The following DNAJC24 variants were observed in gnomAD, a reference collection of about 807,000 sequenced individuals.
The protein encoded by DNAJC24 is DnaJ heat shock protein family (Hsp40) member C24.
Under a neutral mutation model 18.0 loss-of-function variants are expected in DNAJC24, and 17 were observed. That is an observed-to-expected ratio of 0.94 (90% CI 0.65 to 1.42). The LOEUF is 1.42. Among genes scored for constraint, DNAJC24 ranks in the 40% most tolerant of loss-of-function variants. DNAJC24 has a pLI of 0.00. For missense variants in DNAJC24, 158 were observed against 175.6 expected (o/e 0.90, Z 0.57); for synonymous variants, 55 against 57.7 (o/e 0.95, Z 0.21).
At chr11:31,387,622 G>A (rs1189696242) in intron 2 of DNAJC24, among the ~76,000 whole-genome samples, 1 of 152,084 alleles carries the variant, frequency 6.6e-6, no homozygotes, top group Non-Finnish European at 1.5e-5. Context: ...CTGAATACTT[G>A]GAATGCCTTC....
intron 2 of DNAJC24, among the ~76,000 whole-genome samples, chr11:31,380,525 T>C (rs1952366236): frequency 6.6e-6 from 1 of 152,218 alleles, no homozygotes; most frequent in South Asian, 2.1e-4. Context: ...GGGATTAATA[T>C]CCCACTTTTG....
chr11:31,422,859 G>C (rs1354836017), intron 3 of DNAJC24, among the ~76,000 whole-genome samples: 1 of 152,092 alleles, frequency 6.6e-6, no homozygotes, highest in Non-Finnish European at 1.5e-5. Flanking sequence ...TTTGAGGAGA[G>C]GGAATTTGCT....
intron 2 of DNAJC24, among the ~76,000 whole-genome samples, chr11:31,406,502 G>GT (rs1301918403): frequency 2.0e-5 from 3 of 152,320 alleles, no homozygotes; most frequent in African/African-American, 7.2e-5. Context: ...AAAATACGGT[G>GT]TTTATATATT....
chr11:31,388,688 C>T (rs749451801), intron 2 of DNAJC24, among the ~76,000 whole-genome samples: 4 of 152,052 alleles, frequency 2.6e-5, no homozygotes, highest in South Asian at 4.1e-4. Flanking sequence ...CAAAATTCAC[C>T]GTTAACGATA....
chr11:31,391,750 T>G (rs2133478679), intron 2 of DNAJC24, among the ~76,000 whole-genome samples: 1 of 152,300 alleles, frequency 6.6e-6, no homozygotes, highest in South Asian at 2.1e-4. Context: ...ATCCCACTGC[T>G]AGATATACTC....
Position 31,432,689 on chromosome 11 carries a change from A to C in DNAJC24, c.*2288A>C, listed in dbSNP as rs533363287. 1.8e-4 allele frequency: 118 copies of C among 663,566 alleles called. 2 individuals are homozygous for C. The African/African-American group carries it at 1.9e-3, about 11-fold the overall frequency. The allele number at this position is 663,566 out of a possible 1,614,324, so 41.1% of individuals were successfully genotyped here. A position where few individuals can be genotyped will look rare whatever the true frequency, so the allele number is the denominator to read the frequency against. ...GATAAACACTTTCTCCTTACTCATC[A>C]ATCAAGAATAAAATTTTCTACATCA... On this transcript the variant is annotated 3_prime_UTR_variant, in exon 5 of 5. Transcript: ENST00000465995.
intron 3 of DNAJC24, among the ~76,000 whole-genome samples, chr11:31,423,583 TC>T (rs1387028111): frequency 1.3e-5 from 2 of 152,186 alleles, no homozygotes; most frequent in East Asian, 3.9e-4. Context: ...TATGACTTCT[TC>T]CAGTTACCAC....
intron 3 of DNAJC24, among the ~76,000 whole-genome samples, chr11:31,418,262 A>T (rs2133500220): frequency 6.6e-6 from 1 of 152,254 alleles, no homozygotes; most frequent in East Asian, 1.9e-4. Context: ...AGATTGACCT[A>T]CTGTTTAGGT....
chr11:31,432,780 A>G lies in DNAJC24; in HGVS notation c.*2379A>G, dbSNP rs750903334. ...TAAACTCCAAAGTTTGGGACATTCA[A>G]ACAATGTACATGAAATTATATGTGT... On this transcript the variant is annotated 3_prime_UTR_variant, in exon 5 of 5. Transcript: ENST00000465995. 7.9e-5 allele frequency among the ~76,000 whole-genome samples: 12 copies of G among 152,208 alleles called. No homozygotes were observed. Among genetic ancestry groups the G allele is most frequent in the African/African-American group, 1.2e-4 (5 of 41,456 alleles).
At chr11:31,378,449 C>T (rs1455063169) in intron 2 of DNAJC24, among the ~76,000 whole-genome samples, 3 of 152,104 alleles carry the variant, frequency 2.0e-5, no homozygotes, top group African/African-American at 2.4e-5. Flanking sequence ...TGTAGCACTG[C>T]GTATCAGATA....
chr11:31,419,619 A>G (rs535186073), intron 3 of DNAJC24, among the ~76,000 whole-genome samples: 6 of 152,176 alleles, frequency 3.9e-5, no homozygotes, highest in African/African-American at 1.4e-4. Context: ...TTCTGATTTA[A>G]TAGTGGAGCA....
intron 2 of DNAJC24, among the ~76,000 whole-genome samples, chr11:31,399,394 CA>C (rs571089362): frequency 1.3e-5 from 2 of 151,272 alleles, no homozygotes; most frequent in East Asian, 3.9e-4. Flanking sequence ...TCTGTTTCTG[CA>C]GATCTATCTC....
intron 2 of DNAJC24, among the ~76,000 whole-genome samples, chr11:31,387,021 A>G (rs995789438): frequency 1.3e-5 from 2 of 152,134 alleles, no homozygotes; most frequent in Admixed American, 6.5e-5. Context: ...TGCATGAGGA[A>G]AAGAGAGGAA....
Position 31,419,787 on chromosome 11 carries a change from GCTTA to G in DNAJC24, c.250+4842_250+4845del, listed in dbSNP as rs567676055. ...CAACCTTGGTTTCATATTACACTCT[GCTTA>G]CTTCTACTTTGCTCCATTTACAGTC... On this transcript the variant is annotated intron_variant, in intron 3 of 4. Coordinates refer to ENST00000465995, the MANE Select transcript of DNAJC24 (RefSeq NM_181706.5). 1.1e-3 allele frequency among the ~76,000 whole-genome samples: 174 copies of G among 152,022 alleles called. 1 individual carries two copies. Among genetic ancestry groups the G allele is most frequent in the African/African-American group, 3.6e-3 (151 of 41,508 alleles).
intron 2 of DNAJC24, among the ~76,000 whole-genome samples, chr11:31,383,161 A>G (rs1348185429): frequency 6.6e-6 from 1 of 151,792 alleles, no homozygotes; most frequent in East Asian, 1.9e-4. Flanking sequence ...ATCCGTTTTA[A>G]TGAGGGCTTT....
intron 2 of DNAJC24, among the ~76,000 whole-genome samples, chr11:31,393,074 A>G (rs1323515791): frequency 2.0e-5 from 3 of 152,154 alleles, no homozygotes; most frequent in Non-Finnish European, 4.4e-5. Flanking sequence ...AACCCAGTCT[A>G]TGGTTTTTAT....
intron 2 of DNAJC24, among the ~76,000 whole-genome samples, chr11:31,380,786 A>G (rs1952369122): frequency 6.6e-6 from 1 of 152,184 alleles, no homozygotes; most frequent in Non-Finnish European, 1.5e-5. Flanking sequence ...TTCATCTCAG[A>G]AAGTTCCTTT....
Position 31,432,667 on chromosome 11 carries a change from A to G in DNAJC24, c.*2266A>G, listed in dbSNP as rs1952949512. The G allele has an allele frequency of 3.9e-6, 3 of 777,594 alleles. No individual in the cohort carries two copies. Among genetic ancestry groups the G allele is most frequent in the Admixed American group, 2.0e-5 (1 of 49,220 alleles). The allele number at this position is 777,594 out of a possible 1,614,324, so 48.2% of individuals were successfully genotyped here. A position where few individuals can be genotyped will look rare whatever the true frequency, so the allele number is the denominator to read the frequency against. Reference sequence around the variant, plus strand: ...TCTGTCCCTTTTCTCTATGCCAGATAAACACTTTCTCCTTACTCATCAATC... The same window carrying G: ...TCTGTCCCTTTTCTCTATGCCAGATGAACACTTTCTCCTTACTCATCAATC... On this transcript the variant is annotated 3_prime_UTR_variant, in exon 5 of 5. Transcript: ENST00000465995.
At chr11:31,385,627 C>G (rs1170715824) in intron 2 of DNAJC24, among the ~76,000 whole-genome samples, 2 of 152,106 alleles carry the variant, frequency 1.3e-5, no homozygotes, top group Non-Finnish European at 1.5e-5. Flanking sequence ...GTTAAGTAAA[C>G]TAACACAAAG....
Sources: allele counts gnomAD v4.1 joint callset (sites outside exome capture counted in the v4.1 genomes callset), GRCh38; gene constraint gnomAD v4.1.1; transcripts MANE v1.5; gene names NCBI Gene and HGNC (gene_info 2026-07-23, HGNC 2026-07-21).